Variants in PRKG1 observed in about 807,000 individuals in gnomAD.
The protein encoded by PRKG1 is protein kinase cGMP-dependent 1.
In PRKG1, 35 loss-of-function variants were observed where a neutral mutation model predicts 88.1. The observed-to-expected ratio is 0.40, with a 90% CI of 0.30 to 0.53. The LOEUF (loss-of-function observed/expected upper bound fraction) is 0.53, where lower values mean the gene tolerates loss of function less well. PRKG1 is among the 20% of genes least tolerant of loss of function. The pLI, the probability that PRKG1 is intolerant of heterozygous loss-of-function variation, is 0.59. For synonymous variants in PRKG1, 303 were observed against 292.5 expected, an observed-to-expected ratio of 1.04 and a Z score of -0.37; for missense variants, 540 against 839.8, an observed-to-expected ratio of 0.64 and a Z score of 4.41.
chr10:51,288,488 A>G (rs1840499702), intron 2 of PRKG1, among the ~76,000 whole-genome samples: 4 of 152,204 alleles, frequency 2.6e-5, no homozygotes, highest in Admixed American at 1.3e-4. Flanking sequence ...ATGCAGTTTT[A>G]AAGGGACTGA....
chr10:51,116,240 T>C (rs1345153505), intron 1 of PRKG1, among the ~76,000 whole-genome samples: 3 of 152,172 alleles, frequency 2.0e-5, no homozygotes, highest in African/African-American at 7.2e-5. Flanking sequence ...GCGGAACATA[T>C]AAGCACTCTG....
intron 5 of PRKG1, among the ~76,000 whole-genome samples, chr10:52,024,641 C>G (rs1845285811): frequency 6.6e-6 from 1 of 152,102 alleles, no homozygotes; most frequent in African/African-American, 2.4e-5. Flanking sequence ...CATCCATGTC[C>G]CTACAAAGGA....
intron 3 of PRKG1, among the ~76,000 whole-genome samples, chr10:51,548,790 G>A (rs769813005): frequency 2.2e-4 from 33 of 152,070 alleles, no homozygotes; most frequent in Admixed American, 7.2e-4. Context: ...TTCAGTTTTA[G>A]ACAAATCTCC....
chr10:51,419,926 C>A (rs1838361454), intron 2 of PRKG1, among the ~76,000 whole-genome samples: 2 of 151,474 alleles, frequency 1.3e-5, no homozygotes, highest in African/African-American at 4.9e-5. Flanking sequence ...ACATTCTCTT[C>A]TGAACTAGTT....
At chr10:51,378,422 G>A (rs1257408782) in intron 2 of PRKG1, among the ~76,000 whole-genome samples, 1 of 152,202 alleles carries the variant, frequency 6.6e-6, no homozygotes, top group African/African-American at 2.4e-5. Flanking sequence ...CGACCATTTA[G>A]TAGTACAAGG....
intron 3 of PRKG1, among the ~76,000 whole-genome samples, chr10:51,694,115 G>A (rs1001284601): frequency 1.6e-4 from 25 of 152,134 alleles, no homozygotes; most frequent in African/African-American, 5.1e-4. Flanking sequence ...AGGAAAGTCC[G>A]TCTAGAGATT....
At chr10:51,555,453 T>TA (rs1837286677) in intron 3 of PRKG1, among the ~76,000 whole-genome samples, 1 of 151,900 alleles carries the variant, frequency 6.6e-6, no homozygotes, top group Non-Finnish European at 1.5e-5. Context: ...AATACAGAGA[T>TA]AAAACTAAAG....
chr10:51,822,146 T>C (rs141032976), intron 4 of PRKG1, among the ~76,000 whole-genome samples: 2 of 152,192 alleles, frequency 1.3e-5, no homozygotes, highest in African/African-American at 4.8e-5. Context: ...GTATGTCATA[T>C]GTATATATGT....
chr10:51,877,144 G>A (rs527737660), intron 4 of PRKG1, among the ~76,000 whole-genome samples: 49 of 152,134 alleles, frequency 3.2e-4, no homozygotes, highest in Middle Eastern at 3.4e-3. Context: ...CCCATGTTGC[G>A]CAAACTGGTG....
chr10:51,025,586 G>A (rs183896492), intron 1 of PRKG1, among the ~76,000 whole-genome samples: 1 of 152,150 alleles, frequency 6.6e-6, no homozygotes, highest in Non-Finnish European at 1.5e-5. Flanking sequence ...CTATGCTGGT[G>A]TCCCTTTCCC....
At chr10:51,417,968 T>C (rs1023890870) in intron 2 of PRKG1, among the ~76,000 whole-genome samples, 7 of 152,322 alleles carry the variant, frequency 4.6e-5, no homozygotes, top group African/African-American at 1.7e-4. Flanking sequence ...ACACATGTTT[T>C]ACGTTAACCT....
chr10:51,698,763 G>C, intron 3 of PRKG1: 2 of 1,614,176 alleles, frequency 1.2e-6, no homozygotes, highest in Non-Finnish European at 1.7e-6. Flanking sequence ...CCTGGAGCTG[G>C]AATTCCACCC....
intron 14 of PRKG1, among the ~76,000 whole-genome samples, chr10:52,283,288 G>C (rs369782397): frequency 6.6e-6 from 1 of 152,194 alleles, no homozygotes; most frequent in East Asian, 1.9e-4. Flanking sequence ...AGGACACTGA[G>C]AGCCTAGAGT....
At chr10:51,334,584 C>T (rs1013711886) in intron 2 of PRKG1, among the ~76,000 whole-genome samples, 4 of 152,126 alleles carry the variant, frequency 2.6e-5, no homozygotes, top group African/African-American at 4.8e-5. Context: ...TCCTCTCTTC[C>T]GTGGCCTCTT....
intron 8 of PRKG1, among the ~76,000 whole-genome samples, chr10:52,143,632 G>A (rs768903068): frequency 1.2e-4 from 19 of 152,112 alleles, no homozygotes; most frequent in Admixed American, 5.9e-4. Flanking sequence ...GGGGAAGTCC[G>A]CTGGGGAAGC....
intron 3 of PRKG1, among the ~76,000 whole-genome samples, chr10:51,581,013 G>C (rs947913445): frequency 6.6e-6 from 1 of 152,028 alleles, no homozygotes; most frequent in African/African-American, 2.4e-5. Flanking sequence ...TCCAGGGGGG[G>C]GTCACTGCCT....
chr10:51,880,975 A>C (rs538957440), intron 4 of PRKG1, among the ~76,000 whole-genome samples: 1 of 152,128 alleles, frequency 6.6e-6, no homozygotes, highest in African/African-American at 2.4e-5. Context: ...CTAAAGAAAA[A>C]ATAAAAGGCT....
At chr10:51,732,981 T>G (rs1837159067) in intron 3 of PRKG1, among the ~76,000 whole-genome samples, 1 of 151,920 alleles carries the variant, frequency 6.6e-6, no homozygotes, top group Non-Finnish European at 1.5e-5. Context: ...TCTTTCTGGT[T>G]TGCAGACAGC....
chr10:52,145,549 G>A (rs191104802), intron 8 of PRKG1, among the ~76,000 whole-genome samples: 294 of 152,280 alleles, frequency 1.9e-3, no homozygotes, highest in Non-Finnish European at 3.2e-3. Context: ...TTGTGTTCCA[G>A]AGGTAAACCA....
Sources: allele counts gnomAD v4.1 joint callset (sites outside exome capture counted in the v4.1 genomes callset), GRCh38; gene constraint gnomAD v4.1.1; transcripts MANE v1.5; gene names NCBI Gene and HGNC (gene_info 2026-07-23, HGNC 2026-07-21).